The following TNRC6A variants were observed in gnomAD, a reference collection of about 807,000 sequenced individuals.
The protein encoded by TNRC6A is trinucleotide repeat containing adaptor 6A, also known as trinucleotide repeat-containing gene 6A protein.
Under a neutral mutation model 221.2 loss-of-function variants are expected in TNRC6A, and 44 were observed. The ratio of observed to expected loss-of-function variants is 0.20; its 90% CI spans 0.16 to 0.26. The LOEUF is 0.26. TNRC6A is among the 10% of genes least tolerant of loss of function. TNRC6A has a pLI of 1.00. For synonymous variants in TNRC6A, 847 were observed against 838.5 expected (o/e 1.01, Z -0.18); for missense variants, 2,199 against 2,404.4 (o/e 0.91, Z 1.79).
At chr16:24,671,213 A>G (rs1280927020) in intron 2 of TNRC6A, among the ~76,000 whole-genome samples, 1 of 151,964 alleles carries the variant, frequency 6.6e-6, no homozygotes, top group Non-Finnish European at 1.5e-5. Flanking sequence ...TTGTGATTCT[A>G]AAAAAAAGAG....
chr16:24,719,366 A>T (rs1487856173), intron 2 of TNRC6A, among the ~76,000 whole-genome samples: 1 of 152,140 alleles, frequency 6.6e-6, no homozygotes, highest in Non-Finnish European at 1.5e-5. Context: ...TCTACAAAAA[A>T]TTTTAAAAAT....
intron 2 of TNRC6A, among the ~76,000 whole-genome samples, chr16:24,713,440 ACAAACAAACAAAAAAAT>A (rs2056247078): frequency 7.8e-6 from 1 of 129,002 alleles, no homozygotes; most frequent in Admixed American, 8.3e-5. Context: ...AAACAAACAA[ACAAACAAACAAAAAAAT>A]ATATATATAT....
intron 2 of TNRC6A, among the ~76,000 whole-genome samples, chr16:24,654,415 C>G (rs1185827606): frequency 6.6e-6 from 1 of 152,150 alleles, no homozygotes; most frequent in Non-Finnish European, 1.5e-5. Flanking sequence ...CTATAAGAAT[C>G]ACCTGTAGAC....
In TNRC6A at chr16:24,687,843, G is replaced by GGAAGAGGAAGAGGAAGAAGAA. The variant is rs1555489486; in HGVS notation, n.402+46839_402+46840insGGAAGAGGAAGAAGAAGAAGA. ...AAGAGGAAGAAGAGGAAGAGGAAGA[G>GGAAGAGGAAGAGGAAGAAGAA]GAAGAAGAAGAAGAAGAAGAAGAAG... On this transcript the variant is annotated intron_variant and non_coding_transcript_variant, in intron 2 of 2. Coordinates refer to the TNRC6A transcript ENST00000566108. Among the ~76,000 whole-genome samples, 739 of 101,920 alleles carry GGAAGAGGAAGAGGAAGAAGAA rather than the reference G, an allele frequency of 7.3e-3. 40 individuals carry two copies. In the East Asian group the frequency reaches 0.091, roughly 13 times the overall value. 66.9% of individuals were successfully genotyped at this position (101,920 alleles called of 152,430 possible). A position where few individuals can be genotyped will look rare whatever the true frequency, so the allele number is the denominator to read the frequency against.
chr16:24,740,767 A>G (rs569342308), intron 2 of TNRC6A, among the ~76,000 whole-genome samples: 9 of 152,304 alleles, frequency 5.9e-5, no homozygotes, highest in African/African-American at 2.2e-4. Flanking sequence ...TTCATCTTGT[A>G]AAATGGAAAC....
At chr16:24,786,722 G>A (rs540033260) in intron 5 of TNRC6A, among the ~76,000 whole-genome samples, 5 of 149,638 alleles carry the variant, frequency 3.3e-5, no homozygotes, top group Admixed American at 1.3e-4. Context: ...TCACTCTGTT[G>A]CCAGGCTGGA....
intron 18 of TNRC6A, among the ~76,000 whole-genome samples, chr16:24,814,398 C>CT (rs889327247): frequency 4.0e-4 from 32 of 80,264 alleles, no homozygotes; most frequent in Admixed American, 8.9e-4. Context: ...TTTTTCTTTT[C>CT]TTTTTTTTTT....
rs1459110016 is a variant in TNRC6A at position 24,805,111 on chromosome 16, A to C, written c.4082A>C (p.Asn1361Thr). ...CAACCTCTTAGTTCATCTCAGCCTAATCTCCGTGCTCAAGTGCCTCCTCCA... is the reference window on the plus strand; with the variant it reads ...CAACCTCTTAGTTCATCTCAGCCTACTCTCCGTGCTCAAGTGCCTCCTCCA... ...PAQPLSSSQPNLRAQVPPPLL... is the reference protein window; with the variant it reads ...PAQPLSSSQPTLRAQVPPPLL... Residue 1361 changes from asparagine to threonine, a missense_variant, in exon 14 of 25, where the codon AAT becomes ACT. Physicochemically the swap from Asn to Thr is moderately conservative, Grantham distance 65. This residue lies in a region of TNRC6A where 449 missense variants were observed against 579.7 expected (regional missense o/e 0.77). Transcript: ENST00000395799. 1.2e-6 allele frequency: 2 copies of C among 1,614,098 alleles called. No individual in the cohort carries two copies. The highest frequency in any genetic ancestry group is 4.5e-5 in the East Asian group (2 of 44,886).
At chr16:24,797,782 T>C (rs2058249716) in intron 10 of TNRC6A, 133 bp from the exon 11 acceptor site, 6 of 873,400 alleles carry the variant, frequency 6.9e-6, no homozygotes. Context: ...AAAATTACAT[T>C]AGGCAGTGAA....
At chr16:24,707,004 T>C (rs2056109142) in intron 2 of TNRC6A, among the ~76,000 whole-genome samples, 1 of 143,562 alleles carries the variant, frequency 7.0e-6, no homozygotes, top group Admixed American at 7.2e-5. Flanking sequence ...TATTTATTTA[T>C]TTATTTATTT....
chr16:24,730,965 C>T (rs1596563015), intron 2 of TNRC6A, among the ~76,000 whole-genome samples: 1 of 133,412 alleles, frequency 7.5e-6, no homozygotes, highest in African/African-American at 2.9e-5. Context: ...TTTGCATCAC[C>T]GTGAAGGGAG....
At chr16:24,773,913 A>G (rs868409221) in intron 4 of TNRC6A, among the ~76,000 whole-genome samples, 24 of 150,864 alleles carry the variant, frequency 1.6e-4, no homozygotes, top group Middle Eastern at 3.2e-3. Flanking sequence ...GCTTTTTGCG[A>G]AGTATATTGT....
At position 24,699,068 on chromosome 16, in the gene TNRC6A, T is replaced by C. The variant is rs148722686; in HGVS notation, n.403-51658T>C. The stretch of plus-strand genomic sequence containing the variant: ...ACAGAGCGGGTATTGAATGGATAAG[T>C]GTTTCATGTTTCTGTTTTTTACCCA... On this transcript the variant is annotated intron_variant and non_coding_transcript_variant, in intron 2 of 2. Coordinates refer to the TNRC6A transcript ENST00000566108. 2.0e-5 allele frequency among the ~76,000 whole-genome samples: 3 copies of C among 152,260 alleles called. No individual in the cohort carries two copies. In the East Asian group the frequency reaches 5.8e-4, roughly 29 times the overall value.
chr16:24,714,302 CTTTT>C (rs60469088), intron 2 of TNRC6A, among the ~76,000 whole-genome samples: 3 of 71,272 alleles, frequency 4.2e-5, no homozygotes, highest in Non-Finnish European at 7.3e-5. Context: ...TGCTGTTAAT[CTTTT>C]TTTTTTTTTT....
intron 1 of TNRC6A, among the ~76,000 whole-genome samples, chr16:24,629,573 T>C (rs1490720871): frequency 2.0e-5 from 3 of 152,202 alleles, no homozygotes; most frequent in African/African-American, 7.2e-5. Context: ...GACCGCCCAG[T>C]ACTGCCCCCT....
At chr16:24,752,996 A>G (rs2057170535) in intron 3 of TNRC6A, among the ~76,000 whole-genome samples, 1 of 152,234 alleles carries the variant, frequency 6.6e-6, no homozygotes, top group African/African-American at 2.4e-5. Flanking sequence ...ATTTTTGTGA[A>G]TATAATTTTA....
intron 1 of TNRC6A, among the ~76,000 whole-genome samples, chr16:24,639,492 C>CA (rs1901819519): frequency 6.6e-6 from 1 of 151,918 alleles, no homozygotes; most frequent in Non-Finnish European, 1.5e-5. Context: ...GACCCTCTCT[C>CA]AAAAAACATG....
intron 2 of TNRC6A, among the ~76,000 whole-genome samples, chr16:24,702,057 T>C (rs1324180493): frequency 6.6e-6 from 1 of 151,610 alleles, no homozygotes; most frequent in Non-Finnish European, 1.5e-5. Context: ...CCATGTGTCT[T>C]CTCTTTCACA....
intron 1 of TNRC6A, among the ~76,000 whole-genome samples, chr16:24,622,556 T>C (rs1900731840): frequency 6.6e-6 from 1 of 152,146 alleles, no homozygotes; most frequent in African/African-American, 2.4e-5. Flanking sequence ...ATCGCACTAC[T>C]GCACTCCAGC....
Sources: gnomAD v4.1 joint callset for allele counts (sites outside exome capture counted in the v4.1 genomes callset) on GRCh38, gnomAD v4.1.1 for gene constraint, gnomAD v4.1.1 regional missense constraint, MANE v1.5 for transcripts, NCBI Gene and HGNC (gene_info 2026-07-23, HGNC 2026-07-21) for gene names.